The following ABHD2 variants were observed in gnomAD, a reference collection of about 807,000 sequenced individuals.
ABHD2 encodes the protein abhydrolase domain containing 2, acylglycerol lipase.
In ABHD2, 20 loss-of-function variants were observed where a neutral mutation model predicts 48.1. That is an observed-to-expected ratio of 0.42 (90% confidence interval 0.29 to 0.60). ABHD2 has a LOEUF of 0.60. ABHD2 is among the 20% of genes least tolerant of loss of function. The pLI, the probability that ABHD2 is intolerant of heterozygous loss-of-function variation, is 0.24. For synonymous variants in ABHD2, 209 were observed against 214.2 expected, an observed-to-expected ratio of 0.98 and a Z score of 0.21; for missense variants, 405 against 550.9, an observed-to-expected ratio of 0.74 and a Z score of 2.65.
At chr15:89,193,920 CAAA>C (rs60255237) in intron 10 of ABHD2, among the ~76,000 whole-genome samples, 21 of 103,354 alleles carry the variant, frequency 2.0e-4, no homozygotes, top group Admixed American at 3.9e-4. Flanking sequence ...GACTCCGTCT[CAAA>C]AAAAAAAAAA....
chr15:89,181,234 A>AAAAAAAC lies in ABHD2; in HGVS notation c.723-4184_723-4183insCAAAAAA, dbSNP rs1355287736. Among the ~76,000 whole-genome samples the AAAAAAAC allele has an allele frequency of 7.0e-4, 106 of 151,116 alleles. 2 individuals carry two copies. The highest frequency in any genetic ancestry group is 2.5e-3 in the African/African-American group (101 of 41,148). ...ACAGAGCGAGACTCTGTCTCAAAAA[A>AAAAAAAC]AAAAAAAAAAAAAAAACAAGATGGT... is the stretch of plus-strand genomic sequence containing the variant. On this transcript the variant is annotated intron_variant, in intron 6 of 10. Transcript: ENST00000352732.
intron 3 of ABHD2, among the ~76,000 whole-genome samples, chr15:89,141,292 C>T (rs1326215077): frequency 6.6e-6 from 1 of 152,136 alleles, no homozygotes; most frequent in Non-Finnish European, 1.5e-5. Context: ...GACAGTTTCG[C>T]CTTTTAACTT....
intron 3 of ABHD2, among the ~76,000 whole-genome samples, chr15:89,127,538 T>G (rs1041244898): frequency 1.3e-5 from 2 of 151,870 alleles, no homozygotes; most frequent in African/African-American, 4.8e-5. Context: ...AACTGGTGTT[T>G]TCAGCCAGAT....
Position 89,185,054 on chromosome 15 carries a change from G to A in ABHD2, c.723-370G>A, listed in dbSNP as rs909594171. Among the ~76,000 whole-genome samples the A allele has an allele frequency of 1.3e-5, 2 of 152,198 alleles. No homozygotes were observed. The highest frequency in any genetic ancestry group is 2.9e-5 in the Non-Finnish European group (2 of 68,034). On this transcript the variant is annotated intron_variant, in intron 6 of 10. Transcript: ENST00000352732. The surrounding 1 kb of genome is among the most constrained non-coding windows in gnomAD (Gnocchi z 5.9). ...AGTCATTAAACCAGAAAACTTGCCT[G>A]CCAGGTAGGGAGCCAAATACAGAAA...
At chr15:89,057,608 G>A in the ABHD2 span, among the ~76,000 whole-genome samples, 1 of 152,144 alleles carries the variant, frequency 6.6e-6, no homozygotes, top group Non-Finnish European at 1.5e-5. Flanking sequence ...GTGGGGGCGT[G>A]CCTGGTGCAT....
At chr15:89,112,997 C>T (rs1161265784) in intron 1 of ABHD2, among the ~76,000 whole-genome samples, 1 of 152,210 alleles carries the variant, frequency 6.6e-6, no homozygotes, top group Non-Finnish European at 1.5e-5. Context: ...GAGCTTAGCA[C>T]GTAGATAGTG....
At chr15:89,131,129 G>A (rs551924074) in intron 3 of ABHD2, among the ~76,000 whole-genome samples, 5 of 152,102 alleles carry the variant, frequency 3.3e-5, no homozygotes, top group Non-Finnish European at 5.9e-5. Flanking sequence ...TCTTCCTAAA[G>A]CACAAATTCA....
rs2051016608 is a variant in ABHD2, at chr15:89,176,553, C to T, written c.722+558C>T. On this transcript the variant is annotated intron_variant, in intron 6 of 10. Transcript: ENST00000352732. This position sits in a 1 kb window ranked among gnomAD's most constrained non-coding sequence, Gnocchi z 4.5. ...GTCAAGCTTTCTCCCACCCCTTAGT[C>T]TCTTGCCAGTAGATGCCCCACAGGA... Among the ~76,000 whole-genome samples, 1 of 152,148 alleles carries T rather than the reference C, an allele frequency of 6.6e-6. No homozygotes were observed.
At chr15:89,133,592 C>G (rs1194252494) in intron 3 of ABHD2, among the ~76,000 whole-genome samples, 1 of 152,188 alleles carries the variant, frequency 6.6e-6, no homozygotes, top group Non-Finnish European at 1.5e-5. Flanking sequence ...ATTAGTCTTT[C>G]TTTGATTAAA....
the ABHD2 span, among the ~76,000 whole-genome samples, chr15:89,065,534 C>G: frequency 5.3e-5 from 8 of 152,214 alleles, no homozygotes; most frequent in South Asian, 8.3e-4. Context: ...CCAAACACTC[C>G]CTTCCTAAGA....
At chr15:89,122,889 C>T (rs80226755) in intron 3 of ABHD2, among the ~76,000 whole-genome samples, 3,164 of 152,122 alleles carry the variant, frequency 0.021, 48 homozygotes, top group Non-Finnish European at 0.03. Flanking sequence ...GCTAATAGGC[C>T]GAAAAACAGA....
rs2050979513 is a variant in ABHD2 at position 89,174,504 on chromosome 15, C to T, written c.539-1308C>T. On this transcript the variant is annotated intron_variant, in intron 5 of 10. Coordinates refer to ENST00000352732, the MANE Select transcript of ABHD2 (RefSeq NM_152924.5). This position sits in a 1 kb window ranked among gnomAD's most constrained non-coding sequence, Gnocchi z 4.1. ...TGGGGCTGTGCCGGCCTGGCTTAGG[C>T]TACATCCTACCACAAAAGAAGACAG... Among the ~76,000 whole-genome samples, 1 of 152,168 alleles carries T rather than the reference C, an allele frequency of 6.6e-6. No individual in the cohort carries two copies. Among genetic ancestry groups the T allele is most frequent in the African/African-American group, 2.4e-5 (1 of 41,432 alleles).
chr15:89,187,007 ATGT>A (rs1278769450), intron 7 of ABHD2, among the ~76,000 whole-genome samples: 9 of 152,252 alleles, frequency 5.9e-5, no homozygotes, highest in African/African-American at 1.7e-4. Context: ...CACTTGGCTC[ATGT>A]TGTTTGAGAT....
intron 4 of ABHD2, among the ~76,000 whole-genome samples, chr15:89,152,269 C>T (rs1379716202): frequency 4.6e-5 from 7 of 151,870 alleles, no homozygotes; most frequent in African/African-American, 9.7e-5. Flanking sequence ...TTAGTAGAGA[C>T]GGGTTTTAAC....
At chr15:89,125,974 C>A (rs2050125044) in intron 3 of ABHD2, among the ~76,000 whole-genome samples, 1 of 152,200 alleles carries the variant, frequency 6.6e-6, no homozygotes, top group South Asian at 2.1e-4. Context: ...ATAGTCAAGA[C>A]TCCCGTGATT....
upstream of ABHD2, among the ~76,000 whole-genome samples, chr15:89,085,520 AT>A (rs1395054815): frequency 6.6e-6 from 1 of 152,172 alleles, no homozygotes; most frequent in Non-Finnish European, 1.5e-5. The surrounding 1 kb of genome is among the most constrained non-coding windows in gnomAD (Gnocchi z 4.2). Flanking sequence ...ATAATGGATC[AT>A]TCTTTAAGCC....
At position 89,165,134 on chromosome 15, in the gene ABHD2, G is replaced by A. The variant is rs116526395; in HGVS notation, c.538+9600G>A. Among the ~76,000 whole-genome samples, 474 of 152,342 alleles carry A rather than the reference G, an allele frequency of 3.1e-3. 2 individuals carry two copies. The highest frequency in any genetic ancestry group is 0.011 in the African/African-American group (449 of 41,582). On this transcript the variant is annotated intron_variant, in intron 5 of 10. Coordinates refer to ENST00000352732, the MANE Select transcript of ABHD2 (RefSeq NM_152924.5). ...TGCAGTATGCAATGCTTGCTTTCCA[G>A]CTGGACAACCTTCAGTATTGGCCTC...
Position 89,200,898 on chromosome 15 carries a change from A to T in ABHD2, c.*5475A>T, listed in dbSNP as rs1342665848. Reference sequence around the variant, plus strand: ...GGAGTTCAAGACCAGCCTGGCCAACATGGTGAAACCCCTTCTCTACTAAAA... The same window carrying T: ...GGAGTTCAAGACCAGCCTGGCCAACTTGGTGAAACCCCTTCTCTACTAAAA... On this transcript the variant is annotated 3_prime_UTR_variant, in exon 11 of 11. Coordinates refer to ENST00000352732, the MANE Select transcript of ABHD2 (RefSeq NM_152924.5). 1 of 399,922 alleles carries T rather than the reference A, an allele frequency of 2.5e-6. No individual in the cohort carries two copies. The highest frequency in any genetic ancestry group is 3.9e-5 in the Admixed American group (1 of 25,712). 24.8% of individuals were successfully genotyped at this position (399,922 alleles called of 1,614,324 possible).
At chr15:89,117,457 T>A (rs1425903288) in intron 3 of ABHD2, among the ~76,000 whole-genome samples, 1 of 152,266 alleles carries the variant, frequency 6.6e-6, no homozygotes, top group African/African-American at 2.4e-5. Flanking sequence ...TCACTTTTTC[T>A]CTATAGATGT....
Sources: gnomAD v4.1 joint callset for allele counts (sites outside exome capture counted in the v4.1 genomes callset) on GRCh38, gnomAD v4.1.1 for gene constraint, Gnocchi (gnomAD v3.1) non-coding constraint, MANE v1.5 for transcripts, NCBI Gene and HGNC (gene_info 2026-07-23, HGNC 2026-07-21) for gene names.